WDFY4: variants seen among roughly 807,000 people sequenced by gnomAD.
WDFY4 encodes WD repeat- and FYVE domain-containing protein 4.
Under a neutral mutation model 351.9 loss-of-function variants are expected in WDFY4, and 169 were observed. The observed-to-expected ratio is 0.48, with a 90% CI of 0.42 to 0.55. The LOEUF is 0.55. WDFY4 is among the 20% of genes least tolerant of loss of function. WDFY4 has a pLI of 0.00. For missense variants in WDFY4, 3,803 were observed against 3,935.6 expected (o/e 0.97, Z 0.90); for synonymous variants, 1,622 against 1,574.6 (o/e 1.03, Z -0.71).
chr10:48,872,697 T>C (rs897860288), intron 40 of WDFY4, among the ~76,000 whole-genome samples: 1 of 152,214 alleles, frequency 6.6e-6, no homozygotes, highest in Non-Finnish European at 1.5e-5. Context: ...TTTAATGTGG[T>C]CTATAAATGC....
chr10:48,814,144 G>T (rs2067543711), intron 31 of WDFY4, 62 bp downstream of exon 31: 1 of 1,453,814 alleles, frequency 6.9e-7, no homozygotes, highest in Admixed American at 2.6e-5. Context: ...AGTTTGGAAG[G>T]GTCACCTTGA....
At chr10:48,965,090 T>C (rs1269591794) in intron 54 of WDFY4, among the ~76,000 whole-genome samples, 1 of 152,192 alleles carries the variant, frequency 6.6e-6, no homozygotes, top group African/African-American at 2.4e-5. Flanking sequence ...GTTAGCCTAA[T>C]GGTTTCATTT....
intron 47 of WDFY4, chr10:48,910,194 ATTC>A: frequency 1.1e-6 from 1 of 894,134 alleles, no homozygotes; most frequent in Non-Finnish European, 1.8e-6. Context: ...AGAGTCGTTT[ATTC>A]TGTTAGCTGA....
At chr10:48,833,996 G>T (rs2068290006) in intron 39 of WDFY4, among the ~76,000 whole-genome samples, 1 of 152,206 alleles carries the variant, frequency 6.6e-6, no homozygotes, top group Non-Finnish European at 1.5e-5. Flanking sequence ...GGAATCATAG[G>T]CTTCAGGGCC....
intron 59 of WDFY4, 38 bp from the exon 60 acceptor site, chr10:48,978,271 C>T (rs1452949325): frequency 3.1e-5 from 47 of 1,540,704 alleles, no homozygotes; most frequent in Non-Finnish European, 3.5e-5. Context: ...CAGACAGGAT[C>T]GTCTTCCCCG....
intron 1 of WDFY4, among the ~76,000 whole-genome samples, chr10:48,700,443 G>A (rs896734638): frequency 6.6e-6 from 1 of 152,240 alleles, no homozygotes; most frequent in African/African-American, 2.4e-5. Flanking sequence ...GGTCTCATCT[G>A]TGTCCCCTTT....
At chr10:48,874,050 G>A (rs570001628) in intron 41 of WDFY4, among the ~76,000 whole-genome samples, 15 of 152,316 alleles carry the variant, frequency 9.8e-5, no homozygotes, top group African/African-American at 3.6e-4. Flanking sequence ...CCAGGGGAAG[G>A]CTATTGTCTG....
intron 12 of WDFY4, among the ~76,000 whole-genome samples, chr10:48,750,656 T>G (rs983087825): frequency 6.6e-6 from 1 of 152,246 alleles, no homozygotes; most frequent in African/African-American, 2.4e-5. Context: ...CCTTGGTTTC[T>G]TATTTCTTTG....
At position 48,909,342 on chromosome 10, in the gene WDFY4, A is replaced by G. The variant is rs370930632; in HGVS notation, c.7586+7479A>G. ...TCTTTTTCCTGCCTACCTATGCACC[A>G]TTGAAAGATTTGTTAAAATCCTACC... On this transcript the variant is annotated intron_variant, in intron 47 of 61. Coordinates refer to ENST00000325239, the MANE Select transcript of WDFY4 (RefSeq NM_001394531.1). 7 of 152,244 alleles carry G rather than the reference A, an allele frequency of 4.6e-5. No homozygotes were observed. In the South Asian group the frequency reaches 8.3e-4, roughly 18 times the overall value. The allele number at this position is 152,244 out of a possible 1,614,324, so 9.4% of individuals were successfully genotyped here.
chr10:48,877,280 G>A lies in WDFY4; in HGVS notation c.7167+81G>A, dbSNP rs536814882. 7.8e-5 allele frequency: 103 copies of A among 1,315,348 alleles called. No homozygotes were observed. In the African/African-American group the frequency reaches 1.3e-3, roughly 17 times the overall value. 81.5% of individuals were successfully genotyped at this position (1,315,348 alleles called of 1,614,324 possible). Reference sequence around the variant, plus strand: ...TCAGACAGGAGAAAACCAAGCTTTCGCCACTTACATGGGGAATGAGATCTC... The same window carrying A: ...TCAGACAGGAGAAAACCAAGCTTTCACCACTTACATGGGGAATGAGATCTC... On this transcript the variant is annotated intron_variant, in intron 43 of 61. Transcript: ENST00000325239.
chr10:48,965,828 A>ATAGATTATAT (rs1455606211), intron 54 of WDFY4, among the ~76,000 whole-genome samples: 12 of 152,356 alleles, frequency 7.9e-5, no homozygotes, highest in African/African-American at 2.4e-4. Flanking sequence ...TTATATCTAT[A>ATAGATTATAT]CCAGTTAGAT....
At position 48,887,553 on chromosome 10, in the gene WDFY4, C is replaced by A. The variant is rs369155964; in HGVS notation, c.7168-3026C>A. Among the ~76,000 whole-genome samples, 45 of 152,214 alleles carry A rather than the reference C, an allele frequency of 3.0e-4. 7 individuals carry two copies. The highest frequency in any genetic ancestry group is 1.4e-3 in the Admixed American group (21 of 15,294). ...CAGCACTTTGGGAGGCCAAGACGGG[C>A]GGATCACGAGGTCAGGAGATCAAGA... On this transcript the variant is annotated intron_variant, in intron 43 of 61. Transcript: ENST00000325239.
intron 39 of WDFY4, 36 bp downstream of exon 39, chr10:48,832,745 G>A (rs1027345175): frequency 6.7e-7 from 1 of 1,492,338 alleles, no homozygotes; most frequent in Non-Finnish European, 9.0e-7. Context: ...AAAAGTATCA[G>A]GCATTTGCTT....
chr10:48,800,795 C>A (rs959434218), intron 24 of WDFY4, among the ~76,000 whole-genome samples: 2 of 144,112 alleles, frequency 1.4e-5, no homozygotes, highest in East Asian at 2.1e-4. Context: ...GGCAGTGGTG[C>A]GATCTCAGCT....
chr10:48,970,472 C>G (rs1245798987), intron 57 of WDFY4, among the ~76,000 whole-genome samples, 183 bp downstream of exon 57: 1 of 152,134 alleles, frequency 6.6e-6, no homozygotes, highest in Non-Finnish European at 1.5e-5. Context: ...AGAGGGTGGC[C>G]CACAGCTCAG....
In WDFY4 at chr10:48,826,685, C is replaced by A; in HGVS notation, c.5997C>A (p.Ala1999=). The A allele has an allele frequency of 6.4e-7, 1 of 1,551,030 alleles. No individual in the cohort carries two copies. The highest frequency in any genetic ancestry group is 8.7e-7 in the Non-Finnish European group (1 of 1,146,456). Residue 1999 remains alanine (A), a synonymous_variant, in exon 36 of 62, where the codon GCC becomes GCA. Transcript: ENST00000325239. ...TAATGACACAGGTCATTGAGACTGC[C>A]TCTTCTCAAAGGGACACTGTCCTCA... ...LEHIMVVIET[A]SSQRDTVLST... is the part of the protein sequence containing the mutation.
At chr10:48,976,027 G>C (rs1842553977) in intron 58 of WDFY4, among the ~76,000 whole-genome samples, 2 of 152,176 alleles carry the variant, frequency 1.3e-5, no homozygotes, top group Admixed American at 1.3e-4. Flanking sequence ...AAGTTGTCCT[G>C]CAGCCAACTG....
rs992863270 is a variant in WDFY4, at chr10:48,939,243, C to T, written c.7587-2563C>T. Among the ~76,000 whole-genome samples the T allele has an allele frequency of 2.6e-5, 4 of 152,220 alleles. No individual in the cohort carries two copies. The South Asian group carries it at 8.3e-4, about 32-fold the overall frequency. On this transcript the variant is annotated intron_variant, in intron 47 of 61. Transcript: ENST00000325239. Reference sequence around the variant, plus strand: ...TTCCTCCAAGAGTAGAAAAGAATCTCCCCTGCTCCTGAACAATGTCAACAT... The same window carrying T: ...TTCCTCCAAGAGTAGAAAAGAATCTTCCCTGCTCCTGAACAATGTCAACAT...
chr10:48,776,637 G>T, intron 15 of WDFY4, 113 bp from the exon 16 acceptor site: 2 of 1,066,026 alleles, frequency 1.9e-6, no homozygotes, highest in Non-Finnish European at 2.6e-6. Flanking sequence ...AGTACCTGGT[G>T]ACTGTGCGAA....
Sources: allele counts gnomAD v4.1 joint callset (sites outside exome capture counted in the v4.1 genomes callset), GRCh38; gene constraint gnomAD v4.1.1; transcripts MANE v1.5; gene names NCBI Gene and HGNC (gene_info 2026-07-23, HGNC 2026-07-21).